Variants in SLC5A11 observed in about 807,000 individuals in gnomAD.
SLC5A11 encodes the protein solute carrier family 5 member 11.
Under a neutral mutation model 69.8 loss-of-function variants are expected in SLC5A11, and 48 were observed. The ratio of observed to expected loss-of-function variants is 0.69; its 90% CI spans 0.55 to 0.87. The LOEUF (loss-of-function observed/expected upper bound fraction) is 0.87. SLC5A11 is among the 40% of genes least tolerant of loss of function. The pLI, the probability that SLC5A11 is intolerant of heterozygous loss-of-function variation, is 0.00. For missense variants in SLC5A11, 784 were observed against 866.1 expected (o/e 0.91, Z 1.19); for synonymous variants, 319 against 342.4 (o/e 0.93, Z 0.75).
chr16:24,910,938 G>T (rs1354883868), intron 15 of SLC5A11, among the ~76,000 whole-genome samples: 1 of 151,696 alleles, frequency 6.6e-6, no homozygotes, highest in Non-Finnish European at 1.5e-5. Flanking sequence ...GGAGGCCGAG[G>T]TGGGTGCATC....
chr16:24,911,152 G>A (rs994616037), intron 15 of SLC5A11, among the ~76,000 whole-genome samples, 176 bp from the exon 17 acceptor site: 1 of 136,830 alleles, frequency 7.3e-6, no homozygotes, highest in Non-Finnish European at 1.5e-5. Context: ...CTGGACGACA[G>A]AGTGAGACTC....
intron 10 of SLC5A11, among the ~76,000 whole-genome samples, chr16:24,906,334 C>A (rs2050056297): frequency 6.9e-6 from 1 of 145,320 alleles, no homozygotes; most frequent in Non-Finnish European, 1.5e-5. Context: ...GAGCAAGAGG[C>A]TCCGTCTCAA....
At chr16:24,903,066 C>T (rs2049763884) in intron 10 of SLC5A11, among the ~76,000 whole-genome samples, 1 of 152,152 alleles carries the variant, frequency 6.6e-6, no homozygotes, top group African/African-American at 2.4e-5. Flanking sequence ...TCTGGAGGCC[C>T]AGACCAGTGC....
chr16:24,877,206 CTCAT>C, intron 6 of SLC5A11, 48 bp from the exon 8 acceptor site: 1 of 1,602,120 alleles, frequency 6.2e-7, no homozygotes, highest in Non-Finnish European at 8.5e-7. Context: ...CAAATGTCCA[CTCAT>C]TCATTCATTC....
chr16:24,909,643 C>CAAAAA (rs35334841), intron 14 of SLC5A11, among the ~76,000 whole-genome samples: 8 of 48,898 alleles, frequency 1.6e-4, no homozygotes, highest in Non-Finnish European at 2.1e-4. Context: ...CCCTGTCTCA[C>CAAAAA]AAAAAAAAAA....
intron 8 of SLC5A11, among the ~76,000 whole-genome samples, chr16:24,890,502 AAAAAAAAAAAAAAGAAG>A (rs1286096994): frequency 8.2e-4 from 47 of 57,246 alleles, no homozygotes; most frequent in South Asian, 2.1e-3. Flanking sequence ...AAAAAAAAAA[AAAAAAAAAAAAAAGAAG>A]GAAGGAAGGA....
chr16:24,891,669 G>T (rs1308181654), intron 9 of SLC5A11, among the ~76,000 whole-genome samples: 1 of 152,028 alleles, frequency 6.6e-6, no homozygotes, highest in East Asian at 1.9e-4. Context: ...AAGCAAAGGA[G>T]ATGATACCTT....
rs1252143671 is a variant in SLC5A11, at chr16:24,875,750, C to G, written c.477+19C>G. On this transcript the variant is annotated intron_variant, in intron 6 of 15. Coordinates refer to ENST00000347898, the Ensembl canonical transcript of SLC5A11. ...GATCTCGGTAAGGCAGGGACACAGC[C>G]TGGCCTCACCCATGCAGCATGGGGA... is the stretch of plus-strand genomic sequence containing the variant. The G allele has an allele frequency of 5.6e-6, 9 of 1,593,648 alleles. No individual in the cohort carries two copies. The highest frequency in any genetic ancestry group is 1.3e-5 in the African/African-American group (1 of 74,650).
intron 2 of SLC5A11, 90 bp downstream of exon 3, chr16:24,858,868 G>C: frequency 1.4e-6 from 2 of 1,446,990 alleles, no homozygotes; most frequent in Non-Finnish European, 1.8e-6. Context: ...TTGGAGCTAA[G>C]ATACTGACTG....
chr16:24,860,577 T>G (rs940572586), intron 2 of SLC5A11, among the ~76,000 whole-genome samples: 2 of 152,244 alleles, frequency 1.3e-5, no homozygotes, highest in African/African-American at 4.8e-5. Flanking sequence ...CTAGTTTGTG[T>G]CAAATTGCAC....
intron 7 of SLC5A11, among the ~76,000 whole-genome samples, chr16:24,878,967 G>A (rs755615145): frequency 7.9e-5 from 12 of 152,074 alleles, no homozygotes; most frequent in Admixed American, 6.6e-4. Flanking sequence ...CCTAGGAGGC[G>A]GAGGTTGCAG....
chr16:24,889,423 A>G (rs2048618896), intron 8 of SLC5A11, among the ~76,000 whole-genome samples: 1 of 152,114 alleles, frequency 6.6e-6, no homozygotes, highest in South Asian at 2.1e-4. Context: ...TCAAGGTTAC[A>G]GTGAGCTATG....
At chr16:24,884,245 G>T in intron 8 of SLC5A11, 114 bp downstream of exon 9, 2 of 999,306 alleles carry the variant, frequency 2.0e-6, no homozygotes, top group Non-Finnish European at 1.5e-6. Context: ...TACTACTGGG[G>T]AATTTTTTGT....
Position 24,864,236 on chromosome 16 carries a change from G to A in SLC5A11, c.207+1564G>A, listed in dbSNP as rs544183661. 1.1e-4 allele frequency among the ~76,000 whole-genome samples: 17 copies of A among 152,278 alleles called. No individual in the cohort carries two copies. In the South Asian group the frequency reaches 2.9e-3, roughly 26 times the overall value. On this transcript the variant is annotated intron_variant, in intron 3 of 15. Transcript: ENST00000347898. Reference sequence around the variant, plus strand: ...AGAAAGCCCTAAGCTCTTGCCTCTGGCTGACCTTGGGGCTCTGCACAAGCA... The same window carrying A: ...AGAAAGCCCTAAGCTCTTGCCTCTGACTGACCTTGGGGCTCTGCACAAGCA...
chr16:24,892,459 AGG>A (rs1221866132), intron 9 of SLC5A11, among the ~76,000 whole-genome samples: 66 of 147,432 alleles, frequency 4.5e-4, no homozygotes, highest in African/African-American at 1.2e-3. Flanking sequence ...AAAAAAAAAA[AGG>A]AGAATAGAAT....
intron 10 of SLC5A11, among the ~76,000 whole-genome samples, chr16:24,903,797 T>A (rs1330606013): frequency 6.6e-6 from 1 of 152,228 alleles, no homozygotes; most frequent in African/African-American, 2.4e-5. Context: ...ATATGTTGGC[T>A]ATTGTGAAGA....
chr16:24,900,505 C>A (rs2049501500), intron 10 of SLC5A11, among the ~76,000 whole-genome samples: 1 of 152,094 alleles, frequency 6.6e-6, no homozygotes, highest in Non-Finnish European at 1.5e-5. Context: ...GTCCTGCTTC[C>A]AGGAAAGGGC....
Position 24,869,162 on chromosome 16 carries a change from C to T in SLC5A11, c.208-739C>T, listed in dbSNP as rs149986631. The stretch of plus-strand genomic sequence containing the variant: ...GGATTACAAACGTGAGCCAGAGCGC[C>T]CGGCTGGACCTGCCTTTCTTGCAGG... On this transcript the variant is annotated intron_variant, in intron 3 of 15. Coordinates refer to ENST00000347898, the Ensembl canonical transcript of SLC5A11. Among the ~76,000 whole-genome samples the T allele has an allele frequency of 8.7e-4, 132 of 152,150 alleles. No individual in the cohort carries two copies. In the Middle Eastern group the frequency reaches 0.017, roughly 20 times the overall value.
At chr16:24,911,166 CAAAAA>C (rs59292009) in intron 15 of SLC5A11, among the ~76,000 whole-genome samples, 157 bp from the exon 17 acceptor site, 5 of 66,052 alleles carry the variant, frequency 7.6e-5, no homozygotes, top group Non-Finnish European at 1.6e-4. Context: ...GAGACTCTCT[CAAAAA>C]AAAAAAAAAA....
Sources: gnomAD v4.1 joint callset for allele counts (sites outside exome capture counted in the v4.1 genomes callset) on GRCh38, gnomAD v4.1.1 for gene constraint, MANE v1.5 for transcripts, NCBI Gene and HGNC (gene_info 2026-07-23, HGNC 2026-07-21) for gene names.